Variants in PTGER4 observed in about 807,000 individuals in gnomAD.
The protein encoded by PTGER4 is prostaglandin E2 receptor EP4 subtype.
In PTGER4, 11 loss-of-function variants were observed where a neutral mutation model predicts 33.2. That is an observed-to-expected ratio of 0.33 (90% confidence interval 0.21 to 0.55). PTGER4 has a LOEUF of 0.55. PTGER4 is among the 20% of genes least tolerant of loss of function. The pLI is 0.92. For synonymous variants in PTGER4, 275 were observed against 281.5 expected, an observed-to-expected ratio of 0.98 and a Z score of 0.23; for missense variants, 481 against 650.2, an observed-to-expected ratio of 0.74 and a Z score of 2.83.
chr5:40,713,071 A>G, the PTGER4 span, among the ~76,000 whole-genome samples: 25 of 152,212 alleles, frequency 1.6e-4, no homozygotes, highest in Admixed American at 7.9e-4. Context: ...TTATTATCAA[A>G]TACATCAGTT....
rs571774336 is a variant in PTGER4 at position 40,683,902 on chromosome 5, G to A, written c.867+2042G>A. Reference sequence around the variant, plus strand: ...TGTCCACCTGTATAATGTTAGTAACGTGTAGTAAATTTTAAGTAATCTTGA... The same window carrying A: ...TGTCCACCTGTATAATGTTAGTAACATGTAGTAAATTTTAAGTAATCTTGA... On this transcript the variant is annotated intron_variant, in intron 2 of 2. Coordinates refer to ENST00000302472, the MANE Select transcript of PTGER4 (RefSeq NM_000958.3). The surrounding 1 kb of genome is among the most constrained non-coding windows in gnomAD (Gnocchi z 4.2). Among the ~76,000 whole-genome samples, 7 of 152,270 alleles carry A rather than the reference G, an allele frequency of 4.6e-5. No homozygotes were observed. Among genetic ancestry groups the A allele is most frequent in the Admixed American group, 6.5e-5 (1 of 15,294 alleles).
chr5:40,743,260 G>A, the PTGER4 span, among the ~76,000 whole-genome samples: 1 of 152,090 alleles, frequency 6.6e-6, no homozygotes, highest in Non-Finnish European at 1.5e-5. Flanking sequence ...AAGACAGGCA[G>A]CAGAAAACCA....
the PTGER4 span, among the ~76,000 whole-genome samples, chr5:40,717,052 A>T: frequency 1.3e-5 from 2 of 152,088 alleles, no homozygotes; most frequent in East Asian, 3.9e-4. Context: ...AACACAGTGA[A>T]ACCCTGTCTC....
chr5:40,717,716 A>C, the PTGER4 span, among the ~76,000 whole-genome samples: 1 of 152,192 alleles, frequency 6.6e-6, no homozygotes, highest in African/African-American at 2.4e-5. Context: ...GTTTTCTCTG[A>C]GTATACTTAG....
chr5:40,692,364 G>A lies in PTGER4; in HGVS notation c.1453G>A (p.Glu485Lys). 1 of 1,591,676 alleles carries A rather than the reference G, an allele frequency of 6.3e-7. No homozygotes were observed. The highest frequency in any genetic ancestry group is 8.6e-7 in the Non-Finnish European group (1 of 1,168,408). Reference protein sequence around the residue: ...TFPSETLNLSEKCI With the variant: ...TFPSETLNLSKKCI ...TCCCAGTGAAACACTGAACTTATCA[G>A]AAAAATGTATATAATAGGCAAGGAA... The change falls in exon 3 of 3, where the codon GAA (glutamate) becomes AAA (lysine). Residue 485 changes from glutamate (E) to lysine (K), a missense_variant. Glu to Lys is a moderately conservative substitution (Grantham distance 56). Transcript: ENST00000302472.
chr5:40,742,959 G>A, the PTGER4 span, among the ~76,000 whole-genome samples: 48,478 of 151,994 alleles, frequency 0.32, 8,198 homozygotes, highest in East Asian at 0.56. Context: ...TTTACTGAGG[G>A]CCTAGTAAGT....
chr5:40,730,394 G>A, the PTGER4 span: 2 of 1,503,678 alleles, frequency 1.3e-6, no homozygotes, highest in Non-Finnish European at 9.1e-7. Flanking sequence ...TGCTTTTTTG[G>A]ACTTTCAAAA....
chr5:40,702,360 G>C, the PTGER4 span, among the ~76,000 whole-genome samples: 1 of 152,116 alleles, frequency 6.6e-6, no homozygotes, highest in Non-Finnish European at 1.5e-5. Context: ...ACAGAAAAAA[G>C]CAAGGGTTGC....
At chr5:40,694,645 A>G (rs998004579), downstream of PTGER4, among the ~76,000 whole-genome samples, 3 of 150,592 alleles carry the variant, frequency 2.0e-5, no homozygotes, top group Admixed American at 1.3e-4. Flanking sequence ...GACACTAGTC[A>G]TACTGGATTA....
At chr5:40,730,923 T>C in the PTGER4 span, among the ~76,000 whole-genome samples, 3 of 152,158 alleles carry the variant, frequency 2.0e-5, no homozygotes, top group Non-Finnish European at 4.4e-5. Flanking sequence ...TAAAAGTATA[T>C]ACAACATTAA....
chr5:40,711,520 A>C, the PTGER4 span, among the ~76,000 whole-genome samples: 1 of 152,144 alleles, frequency 6.6e-6, no homozygotes, highest in African/African-American at 2.4e-5. Flanking sequence ...AGACTCAGCA[A>C]TTCCATCCCT....
rs531860746 is a variant in PTGER4 at position 40,692,573 on chromosome 5, C to T, written c.*195C>T. 7.2e-5 allele frequency: 99 copies of T among 1,369,914 alleles called. No homozygotes were observed. In the African/African-American group the frequency reaches 1.1e-3, roughly 15 times the overall value. 84.9% of individuals were successfully genotyped at this position (1,369,914 alleles called of 1,614,324 possible). On this transcript the variant is annotated 3_prime_UTR_variant, in exon 3 of 3. Transcript: ENST00000302472. ...GTGGGTCCTGAGGCCTGCAGCACGT[C>T]GGATGCTACCCCACTATGACAGAGG...
rs1206708765 is a variant in PTGER4 at position 40,680,554 on chromosome 5, A to G, written c.-44+76A>G. The G allele has an allele frequency of 2.5e-5, 4 of 158,390 alleles. No homozygotes were observed. Among genetic ancestry groups the G allele is most frequent in the Admixed American group, 6.1e-5 (1 of 16,310 alleles). 9.8% of individuals were successfully genotyped at this position (158,390 alleles called of 1,614,324 possible). A position where few individuals can be genotyped will look rare whatever the true frequency, so the allele number is the denominator to read the frequency against. On this transcript the variant is annotated intron_variant, in intron 1 of 2. Transcript: ENST00000302472. The surrounding 1 kb of genome is among the most constrained non-coding windows in gnomAD (Gnocchi z 5.5). Reference sequence around the variant, plus strand: ...ATGCGGCCCTCGCCGAAGAGAGCCAAGAAGGGAAGAGCGCGCTCTCCAAAT... The same window carrying G: ...ATGCGGCCCTCGCCGAAGAGAGCCAGGAAGGGAAGAGCGCGCTCTCCAAAT...
At chr5:40,722,674 C>T in the PTGER4 span, among the ~76,000 whole-genome samples, 1 of 151,836 alleles carries the variant, frequency 6.6e-6, no homozygotes, top group African/African-American at 2.4e-5. Context: ...GCCCCACAGC[C>T]GCCCAGTCTG....
downstream of PTGER4, chr5:40,693,819 T>A (rs1027707554): frequency 3.2e-5 from 22 of 679,390 alleles, no homozygotes; most frequent in Non-Finnish European, 3.8e-5. Flanking sequence ...TTTTATATAT[T>A]TTTTTAAAAT....
At chr5:40,698,300 T>A (rs1308657023), downstream of PTGER4, among the ~76,000 whole-genome samples, 2 of 151,584 alleles carry the variant, frequency 1.3e-5, no homozygotes, top group African/African-American at 4.8e-5. Flanking sequence ...ATAATCATCA[T>A]CATCATCATA....
chr5:40,704,382 C>T, the PTGER4 span, among the ~76,000 whole-genome samples: 3 of 152,010 alleles, frequency 2.0e-5, no homozygotes, highest in South Asian at 4.1e-4. Context: ...AACATTAGAC[C>T]AAATGGGCAA....
At chr5:40,707,292 C>T in the PTGER4 span, among the ~76,000 whole-genome samples, 2 of 152,032 alleles carry the variant, frequency 1.3e-5, no homozygotes, top group African/African-American at 4.8e-5. Context: ...ACCCATTTCA[C>T]GTGCAGAGAC....
chr5:40,711,107 A>C, the PTGER4 span, among the ~76,000 whole-genome samples: 1 of 151,974 alleles, frequency 6.6e-6, no homozygotes, highest in Non-Finnish European at 1.5e-5. Flanking sequence ...ATAGAAAACA[A>C]ACAAGCAAGC....
Sources: gnomAD v4.1 joint callset for allele counts (sites outside exome capture counted in the v4.1 genomes callset) on GRCh38, gnomAD v4.1.1 for gene constraint, Gnocchi (gnomAD v3.1) non-coding constraint, MANE v1.5 for transcripts, NCBI Gene and HGNC (gene_info 2026-07-23, HGNC 2026-07-21) for gene names.